Variants in PARP8 observed in about 807,000 individuals in gnomAD.
PARP8 encodes the protein poly(ADP-ribose) polymerase family member 8.
A neutral mutation model predicts 124.1 loss-of-function variants in PARP8; 51 were observed. That is an observed-to-expected ratio of 0.41 (90% CI 0.33 to 0.52). PARP8 has a LOEUF of 0.52. Ranked by LOEUF, PARP8 falls within the 20% of genes least tolerant of loss-of-function variation. PARP8 has a pLI of 0.21. For synonymous variants in PARP8, 391 were observed against 361.5 expected, an observed-to-expected ratio of 1.08 and a Z score of -0.93; for missense variants, 860 against 1,018.9, an observed-to-expected ratio of 0.84 and a Z score of 2.12.
intron 2 of PARP8, among the ~76,000 whole-genome samples, chr5:50,745,601 C>G (rs1758459780): frequency 6.6e-6 from 1 of 152,160 alleles, no homozygotes; most frequent in Non-Finnish European, 1.5e-5. Flanking sequence ...ACAACAGGCC[C>G]TCTAACTGGA....
At chr5:50,759,536 T>G in intron 3 of PARP8, 107 bp from the exon 4 acceptor site, 3 of 1,232,086 alleles carry the variant, frequency 2.4e-6, no homozygotes, top group Non-Finnish European at 3.2e-6. Flanking sequence ...GTATGCTTTA[T>G]GAGAGTTGGA....
At chr5:50,716,801 G>A (rs1296840444) in intron 2 of PARP8, among the ~76,000 whole-genome samples, 2 of 152,052 alleles carry the variant, frequency 1.3e-5, no homozygotes, top group African/African-American at 4.8e-5. Flanking sequence ...ATAACATTAA[G>A]AGTCTCAGAT....
At chr5:50,699,177 A>C (rs573222351) in intron 2 of PARP8, among the ~76,000 whole-genome samples, 92 of 152,260 alleles carry the variant, frequency 6.0e-4, no homozygotes, top group African/African-American at 2.2e-3. Flanking sequence ...TACCTTTACT[A>C]TAACATGGCC....
At chr5:50,673,832 A>G (rs1750316074) in intron 2 of PARP8, among the ~76,000 whole-genome samples, 1 of 152,236 alleles carries the variant, frequency 6.6e-6, no homozygotes, top group Non-Finnish European at 1.5e-5. Flanking sequence ...TAAATTTCCC[A>G]TCATTTCTCT....
In PARP8 at chr5:50,728,479, G is replaced by T. The variant is rs1056217875; in HGVS notation, c.147-21672G>T. 7.2e-5 allele frequency among the ~76,000 whole-genome samples: 11 copies of T among 152,062 alleles called. No homozygotes were observed. In the South Asian group the frequency reaches 1.5e-3, roughly 20 times the overall value. ...CATTCAGAGTGCAACTTAATTTGCAGTTTATCAATCTGTCTATTGTTATGG... is the reference window on the plus strand; with the variant it reads ...CATTCAGAGTGCAACTTAATTTGCATTTTATCAATCTGTCTATTGTTATGG... On this transcript the variant is annotated intron_variant, in intron 2 of 25. Transcript: ENST00000281631.
intron 2 of PARP8, among the ~76,000 whole-genome samples, chr5:50,742,955 G>T (rs112602472): frequency 2.6e-5 from 4 of 152,270 alleles, no homozygotes; most frequent in African/African-American, 9.6e-5. Context: ...AGCTCAGAGG[G>T]ACTGGTAAAG....
rs1746183516 is a variant in PARP8 at position 50,824,983 on chromosome 5, A to G, written c.1928+8A>G. 6.2e-7 allele frequency: 1 copy of G among 1,604,392 alleles called. No individual in the cohort carries two copies. Among genetic ancestry groups the G allele is most frequent in the African/African-American group, 1.3e-5 (1 of 74,570 alleles). On this transcript the variant is annotated splice_region_variant and intron_variant, in intron 18 of 25. Transcript: ENST00000281631. ...TCATCCCTTACTGCAATGGTATAAA[A>G]TTCTAGTTTTCCTCTTAATGAAAAC...
chr5:50,709,455 T>A (rs540780207), intron 2 of PARP8, among the ~76,000 whole-genome samples: 1 of 152,236 alleles, frequency 6.6e-6, no homozygotes, highest in East Asian at 1.9e-4. Flanking sequence ...TTCCTTTCAC[T>A]GCTTCTGTTT....
chr5:50,837,494 T>A (rs1299363474), intron 25 of PARP8, among the ~76,000 whole-genome samples: 1 of 152,164 alleles, frequency 6.6e-6, no homozygotes, highest in Admixed American at 6.6e-5. Flanking sequence ...TTTATTTTAA[T>A]TTTTTGATAC....
intron 20 of PARP8, 125 bp from the exon 21 acceptor site, chr5:50,828,187 A>G: frequency 8.9e-7 from 1 of 1,121,834 alleles, no homozygotes; most frequent in Non-Finnish European, 1.3e-6. Context: ...TCATGTAGTC[A>G]ACTACATAAT....
At chr5:50,736,799 A>G (rs901126661) in intron 2 of PARP8, among the ~76,000 whole-genome samples, 51 of 152,128 alleles carry the variant, frequency 3.4e-4, no homozygotes, top group African/African-American at 1.2e-3. Flanking sequence ...TGTGATCATA[A>G]ATAATTTCCA....
rs566358542 is a variant in PARP8, at chr5:50,777,200, G to A, written c.519-869G>A. 3.6e-3 allele frequency among the ~76,000 whole-genome samples: 544 copies of A among 152,260 alleles called. 1 individual carries two copies. Among genetic ancestry groups the A allele is most frequent in the Admixed American group, 6.6e-3 (101 of 15,294 alleles). On this transcript the variant is annotated intron_variant, in intron 7 of 25. Coordinates refer to ENST00000281631, the MANE Select transcript of PARP8 (RefSeq NM_024615.4). ...ATTTATGCATCTGTAAAGCGGAGAT[G>A]GCAGTAGTACCTTAGGTGTTTTGTG...
In PARP8 at chr5:50,822,493, T is replaced by C. The variant is rs535884322; in HGVS notation, c.1860+93T>C. The stretch of plus-strand genomic sequence containing the variant: ...AATGTAGACTTCTCTATAATACATA[T>C]CATTTAAAAATTTGTGCGGTATTAA... On this transcript the variant is annotated intron_variant, in intron 17 of 25. Transcript: ENST00000281631. 5.0e-5 allele frequency: 49 copies of C among 985,244 alleles called. No individual in the cohort carries two copies. The East Asian group carries it at 1.0e-3, about 20-fold the overall frequency. The allele number at this position is 985,244 out of a possible 1,614,324, so 61.0% of individuals were successfully genotyped here.
chr5:50,673,877 T>G (rs1750322973), intron 2 of PARP8, among the ~76,000 whole-genome samples: 2 of 152,214 alleles, frequency 1.3e-5, no homozygotes, highest in Admixed American at 1.3e-4. Context: ...TAGCTGAAAT[T>G]TTATCAATCC....
rs1229901099 is a variant in PARP8 at position 50,822,331 on chromosome 5, A to C, written c.1795-4A>C. ...TTTTTTAACATCACTTTTTCATTAA[A>C]CAGAAAAAGAACTATGATCGAGTAA... On this transcript the variant is annotated splice_region_variant and splice_polypyrimidine_tract_variant and intron_variant, in intron 16 of 25. Coordinates refer to ENST00000281631, the MANE Select transcript of PARP8 (RefSeq NM_024615.4). 1 of 1,605,806 alleles carries C rather than the reference A, an allele frequency of 6.2e-7. No homozygotes were observed. The highest frequency in any genetic ancestry group is 1.1e-5 in the South Asian group (1 of 90,830).
chr5:50,741,321 A>G (rs1440603604), intron 2 of PARP8, among the ~76,000 whole-genome samples: 2 of 152,230 alleles, frequency 1.3e-5, no homozygotes, highest in Non-Finnish European at 1.5e-5. Flanking sequence ...TTGTCCTTTT[A>G]TTTGTAGTCA....
At chr5:50,769,691 A>T (rs1761411199) in intron 7 of PARP8, among the ~76,000 whole-genome samples, 1 of 151,472 alleles carries the variant, frequency 6.6e-6, no homozygotes, top group Non-Finnish European at 1.5e-5. Context: ...TATAAAATAT[A>T]ATGCAATATG....
intron 9 of PARP8, among the ~76,000 whole-genome samples, chr5:50,784,010 A>G (rs1449244412): frequency 6.6e-6 from 1 of 152,188 alleles, no homozygotes; most frequent in African/African-American, 2.4e-5. Context: ...TTTTTTATGA[A>G]AACTTTTTGA....
intron 1 of PARP8, chr5:50,667,787 T>C (rs773028082): frequency 5.7e-6 from 5 of 883,572 alleles, no homozygotes; most frequent in Non-Finnish European, 7.2e-6. Context: ...TTGCTTTCGC[T>C]ACCGCGAGCC....
Sources: allele counts gnomAD v4.1 joint callset (sites outside exome capture counted in the v4.1 genomes callset), GRCh38; gene constraint gnomAD v4.1.1; transcripts MANE v1.5; gene names NCBI Gene and HGNC (gene_info 2026-07-23, HGNC 2026-07-21).